Variants in NEIL2 observed in about 807,000 individuals in gnomAD.
NEIL2 encodes the protein nei like DNA glycosylase 2.
A neutral mutation model predicts 22.2 loss-of-function variants in NEIL2; 23 were observed. The observed-to-expected ratio is 1.04, with a 90% CI of 0.75 to 1.47. The LOEUF (loss-of-function observed/expected upper bound fraction) is 1.47, where lower values mean the gene tolerates loss of function less well. Among genes scored for constraint, NEIL2 ranks in the 40% most tolerant of loss-of-function variants. NEIL2 has a pLI of 0.00. For synonymous variants in NEIL2, 229 were observed against 164.8 expected (o/e 1.39, Z -2.99); for missense variants, 583 against 404.7 (o/e 1.44, Z -3.78).
chr8:11,779,286 T>G (rs1804182876), intron 2 of NEIL2, among the ~76,000 whole-genome samples: 1 of 152,218 alleles, frequency 6.6e-6, no homozygotes, highest in South Asian at 2.1e-4. Flanking sequence ...TGACAACTTA[T>G]GTTCATTTCT....
At position 11,779,813 on chromosome 8, in the gene NEIL2, G is replaced by C. The variant is rs1804245145; in HGVS notation, c.354G>C (p.Leu118Phe). Reference protein sequence around the residue: ...VPQGEDDSEYLERDAPAGDAG... With the variant: ...VPQGEDDSEYFERDAPAGDAG... ...AGGGCGAGGATGATTCTGAGTATTT[G>C]GAGAGAGACGCCCCTGCAGGAGATG... is the stretch of plus-strand genomic sequence containing the variant. Residue 118 changes from leucine to phenylalanine, a missense_variant, in exon 3 of 5, where the codon TTG becomes TTC. Transcript: ENST00000284503. 1 of 1,614,082 alleles carries C rather than the reference G, an allele frequency of 6.2e-7. No homozygotes were observed. Among genetic ancestry groups the C allele is most frequent in the African/African-American group, 1.3e-5 (1 of 74,926 alleles).
rs765995054 is a variant in NEIL2 at position 11,779,796 on chromosome 8, G to T, written c.337G>T (p.Asp113Tyr). ...RSAELVPQGE[D>Y]DSEYLERDAP... ...TGCAGAGCTCGTCCCCCAGGGCGAG[G>T]ATGATTCTGAGTATTTGGAGAGAGA... Residue 113 changes from aspartate to tyrosine, a missense_variant, in exon 3 of 5, where the codon GAT becomes TAT. Coordinates refer to ENST00000284503, the MANE Select transcript of NEIL2 (RefSeq NM_145043.4). The T allele has an allele frequency of 1.9e-6, 3 of 1,614,222 alleles. No individual in the cohort carries two copies. In the Admixed American group the frequency reaches 5.0e-5, roughly 27 times the overall value.
chr8:11,785,326 G>A (rs562159881), intron 4 of NEIL2, among the ~76,000 whole-genome samples: 1 of 152,176 alleles, frequency 6.6e-6, no homozygotes, highest in African/African-American at 2.4e-5. Context: ...CACCTGAGTA[G>A]CTGCGATTAC....
At chr8:11,784,851 A>G (rs1804752024) in intron 4 of NEIL2, among the ~76,000 whole-genome samples, 1 of 152,188 alleles carries the variant, frequency 6.6e-6, no homozygotes, top group Non-Finnish European at 1.5e-5. Flanking sequence ...CTACATAACA[A>G]GCATTATGCT....
chr8:11,777,152 C>G (rs192067620), intron 2 of NEIL2, among the ~76,000 whole-genome samples: 6 of 142,612 alleles, frequency 4.2e-5, no homozygotes, highest in Admixed American at 2.7e-4. Context: ...TCTACCCACA[C>G]TTTTCTTTTC....
At chr8:11,775,712 A>G (rs891955075) in intron 2 of NEIL2, among the ~76,000 whole-genome samples, 7 of 152,184 alleles carry the variant, frequency 4.6e-5, no homozygotes, top group Non-Finnish European at 1.0e-4. Context: ...TGCCATAATC[A>G]TGTCTCTCAA....
chr8:11,771,223 AG>A (rs1322771150), intron 1 of NEIL2, among the ~76,000 whole-genome samples: 2 of 152,192 alleles, frequency 1.3e-5, no homozygotes, highest in Non-Finnish European at 2.9e-5. Flanking sequence ...GCATGAAGAA[AG>A]GTAAGAGGGG....
intron 2 of NEIL2, among the ~76,000 whole-genome samples, chr8:11,776,880 C>A (rs1212898806): frequency 2.0e-5 from 3 of 152,170 alleles, no homozygotes; most frequent in African/African-American, 7.2e-5. Flanking sequence ...GTCTGCTCCT[C>A]CTCTTGGTCC....
intron 3 of NEIL2, among the ~76,000 whole-genome samples, chr8:11,781,637 T>C (rs971256359): frequency 6.6e-6 from 1 of 152,204 alleles, no homozygotes; most frequent in African/African-American, 2.4e-5. Context: ...TGCCATTATT[T>C]TTAAATCTCT....
chr8:11,784,831 G>A (rs1262154965), intron 4 of NEIL2, among the ~76,000 whole-genome samples: 3 of 152,112 alleles, frequency 2.0e-5, no homozygotes, highest in South Asian at 2.1e-4. Flanking sequence ...AACAGCTCCC[G>A]AAACACTTTC....
chr8:11,777,987 A>G lies in NEIL2; in HGVS notation c.139-1611A>G, dbSNP rs62491505. Among the ~76,000 whole-genome samples the G allele has an allele frequency of 1.2e-3, 186 of 152,366 alleles. 1 individual carries two copies. Among genetic ancestry groups the G allele is most frequent in the Middle Eastern group, 0.01 (3 of 294 alleles). On this transcript the variant is annotated intron_variant, in intron 2 of 4. Coordinates refer to ENST00000284503, the MANE Select transcript of NEIL2 (RefSeq NM_145043.4). ...TTGAGGAACACATTGAAAGCATTGC[A>G]GAGCCTTATTCATCTGTTTGCCCTT... is the stretch of plus-strand genomic sequence containing the variant.
intron 2 of NEIL2, among the ~76,000 whole-genome samples, chr8:11,777,692 T>C (rs1411846371): frequency 6.6e-6 from 1 of 152,254 alleles, no homozygotes; most frequent in Non-Finnish European, 1.5e-5. Flanking sequence ...AGTTCACCCA[T>C]GTTATAGATA....
chr8:11,783,170 G>T (rs749038789), intron 3 of NEIL2, 33 bp from the exon 4 acceptor site: 4 of 1,598,956 alleles, frequency 2.5e-6, no homozygotes, highest in African/African-American at 2.7e-5. Flanking sequence ...CTGTGGTAAC[G>T]ATGTGTACAT....
At chr8:11,782,648 C>G (rs1219191431) in intron 3 of NEIL2, 3 of 188,506 alleles carry the variant, frequency 1.6e-5, no homozygotes, top group Non-Finnish European at 3.4e-5. Flanking sequence ...CAAAGTATGG[C>G]TTTTACTGAG....
chr8:11,782,941 C>A, intron 3 of NEIL2: 1 of 542,258 alleles, frequency 1.8e-6, no homozygotes, highest in South Asian at 1.9e-5. Flanking sequence ...ATGATCCAGC[C>A]ACAGAGTGTC....
At chr8:11,782,425 C>CA (rs1410408620) in intron 3 of NEIL2, among the ~76,000 whole-genome samples, 1 of 151,562 alleles carries the variant, frequency 6.6e-6, no homozygotes. Context: ...AACTCCATCT[C>CA]AAAAAAAACA....
At chr8:11,781,213 G>T (rs1298609102) in intron 3 of NEIL2, among the ~76,000 whole-genome samples, 4 of 152,186 alleles carry the variant, frequency 2.6e-5, no homozygotes, top group Non-Finnish European at 4.4e-5. Context: ...GCTATGGGCT[G>T]TAAAAATAAC....
chr8:11,782,084 A>G (rs947993403), intron 3 of NEIL2, among the ~76,000 whole-genome samples: 1 of 151,922 alleles, frequency 6.6e-6, no homozygotes, highest in East Asian at 1.9e-4. Context: ...AATAAATAAA[A>G]TTAGCTTTAT....
At chr8:11,771,655 T>C (rs1176777419) in intron 2 of NEIL2, 70 bp downstream of exon 2, 38 of 1,519,620 alleles carry the variant, frequency 2.5e-5, no homozygotes, top group Non-Finnish European at 2.9e-5. Flanking sequence ...TCTATCCCCA[T>C]ATGTCTCAGG....
Sources: gnomAD v4.1 joint callset for allele counts (sites outside exome capture counted in the v4.1 genomes callset) on GRCh38, gnomAD v4.1.1 for gene constraint, MANE v1.5 for transcripts, NCBI Gene and HGNC (gene_info 2026-07-23, HGNC 2026-07-21) for gene names.